GALNTL6: variants seen among roughly 807,000 people sequenced by gnomAD.
The protein encoded by GALNTL6 is polypeptide N-acetylgalactosaminyltransferase-like 6.
GALNTL6 carries 46 observed loss-of-function variants against 73.7 expected under a neutral mutation model. That is an observed-to-expected ratio of 0.62 (90% CI 0.49 to 0.80). The LOEUF is 0.80. Ranked by LOEUF, GALNTL6 falls within the 30% of genes least tolerant of loss-of-function variation. The pLI is 0.00. For synonymous variants in GALNTL6, 259 were observed against 263.7 expected (o/e 0.98, Z 0.17); for missense variants, 604 against 755.0 (o/e 0.80, Z 2.34).
intron 5 of GALNTL6, among the ~76,000 whole-genome samples, chr4:172,684,705 C>T (rs964781110): frequency 1.3e-5 from 2 of 152,144 alleles, no homozygotes; most frequent in Admixed American, 1.3e-4. Flanking sequence ...TTTGGTGGCT[C>T]ACTGGGAGTG....
chr4:172,719,293 G>A (rs1735307484), intron 5 of GALNTL6, among the ~76,000 whole-genome samples: 1 of 152,020 alleles, frequency 6.6e-6, no homozygotes, highest in Admixed American at 6.6e-5. Flanking sequence ...TTTAACTAAG[G>A]ACAGAAAAAC....
At chr4:172,495,678 G>C (rs993912993) in intron 5 of GALNTL6, among the ~76,000 whole-genome samples, 1 of 152,138 alleles carries the variant, frequency 6.6e-6, no homozygotes, top group African/African-American at 2.4e-5. Flanking sequence ...TTAGTACTTT[G>C]CTTTTCAATC....
intron 5 of GALNTL6, 136 bp downstream of exon 5, chr4:172,348,825 A>G: frequency 2.0e-6 from 1 of 490,988 alleles, no homozygotes; most frequent in South Asian, 6.1e-5. Context: ...CTATGTTGTG[A>G]TTTCGTAAAA....
Position 172,850,914 on chromosome 4 carries a change from T to G in GALNTL6, c.924-31876T>G, listed in dbSNP as rs1743781266. Among the ~76,000 whole-genome samples the G allele has an allele frequency of 4.6e-5, 7 of 152,042 alleles. No homozygotes were observed. In the South Asian group the frequency reaches 1.4e-3, roughly 31 times the overall value. ...GGGGACAGGGGAAGAGGCAGGGAGCTTCCATGTCCTCAGGTGCACCATCTT... is the reference window on the plus strand; with the variant it reads ...GGGGACAGGGGAAGAGGCAGGGAGCGTCCATGTCCTCAGGTGCACCATCTT... On this transcript the variant is annotated intron_variant, in intron 7 of 12. Coordinates refer to ENST00000506823, the MANE Select transcript of GALNTL6 (RefSeq NM_001034845.3).
At chr4:171,989,862 T>C (rs1417583918) in intron 2 of GALNTL6, among the ~76,000 whole-genome samples, 3 of 152,248 alleles carry the variant, frequency 2.0e-5, no homozygotes, top group Non-Finnish European at 4.4e-5. Context: ...GGGCTGGGTT[T>C]TTCATATTTG....
At chr4:172,162,599 G>C (rs1216482132) in intron 2 of GALNTL6, among the ~76,000 whole-genome samples, 2 of 151,744 alleles carry the variant, frequency 1.3e-5, no homozygotes, top group African/African-American at 4.8e-5. Flanking sequence ...TGCAGAGAGA[G>C]AGAAAAATGT....
intron 4 of GALNTL6, among the ~76,000 whole-genome samples, chr4:172,321,594 G>C (rs1472509110): frequency 6.6e-6 from 1 of 152,126 alleles, no homozygotes; most frequent in Non-Finnish European, 1.5e-5. Flanking sequence ...TCATTAAATA[G>C]AGGACATCAA....
At chr4:172,342,709 GTTCTT>G (rs2111204248) in intron 4 of GALNTL6, among the ~76,000 whole-genome samples, 1 of 152,244 alleles carries the variant, frequency 6.6e-6, no homozygotes, top group African/African-American at 2.4e-5. Context: ...CAAGTAAAAT[GTTCTT>G]TTCTTGTTTT....
intron 10 of GALNTL6, among the ~76,000 whole-genome samples, chr4:172,960,513 G>T (rs1156266196): frequency 1.3e-5 from 2 of 152,120 alleles, no homozygotes; most frequent in East Asian, 1.9e-4. Context: ...AGAAAAGGAA[G>T]ATTAGAAAGA....
chr4:172,208,546 G>C (rs985059306), intron 2 of GALNTL6, among the ~76,000 whole-genome samples: 6 of 152,152 alleles, frequency 3.9e-5, no homozygotes, highest in Admixed American at 3.3e-4. Flanking sequence ...TAAAGAGCAT[G>C]AATGAGGATT....
chr4:172,038,895 A>G (rs1259502821), intron 2 of GALNTL6, among the ~76,000 whole-genome samples: 1 of 152,214 alleles, frequency 6.6e-6, no homozygotes, highest in Non-Finnish European at 1.5e-5. Context: ...CCCTGAAAAC[A>G]TTGGCATTGG....
At chr4:172,783,321 C>A (rs1304639200) in intron 5 of GALNTL6, among the ~76,000 whole-genome samples, 1 of 148,788 alleles carries the variant, frequency 6.7e-6, no homozygotes, top group African/African-American at 2.4e-5. Context: ...TCAACACAAT[C>A]TCAATCAAAC....
intron 2 of GALNTL6, among the ~76,000 whole-genome samples, chr4:172,163,719 A>G (rs1175419210): frequency 6.6e-6 from 1 of 152,166 alleles, no homozygotes; most frequent in Non-Finnish European, 1.5e-5. Flanking sequence ...GTTAACAAGC[A>G]TCTGTTGAGA....
At chr4:172,030,339 A>G (rs894365084) in intron 2 of GALNTL6, among the ~76,000 whole-genome samples, 6 of 152,078 alleles carry the variant, frequency 3.9e-5, no homozygotes, top group Non-Finnish European at 8.8e-5. Flanking sequence ...ATCCTGCGGC[A>G]TGTCAAGCAA....
intron 7 of GALNTL6, among the ~76,000 whole-genome samples, chr4:172,880,606 C>T (rs151182167): frequency 1.8e-3 from 274 of 152,172 alleles, no homozygotes; most frequent in African/African-American, 6.0e-3. Context: ...AAGTCAAAAC[C>T]TATCAAACTG....
chr4:172,687,505 G>A (rs944657865), intron 5 of GALNTL6, among the ~76,000 whole-genome samples: 5 of 151,662 alleles, frequency 3.3e-5, no homozygotes, highest in African/African-American at 1.2e-4. Flanking sequence ...GCGTGTACCT[G>A]TAATCCCAGC....
intron 3 of GALNTL6, among the ~76,000 whole-genome samples, chr4:172,250,227 G>A (rs1391128361): frequency 6.6e-6 from 1 of 152,108 alleles, no homozygotes; most frequent in Non-Finnish European, 1.5e-5. Flanking sequence ...CTCTGTTTTG[G>A]CCAATTTCTC....
intron 2 of GALNTL6, among the ~76,000 whole-genome samples, chr4:171,936,108 T>G (rs1676107919): frequency 6.6e-6 from 1 of 152,166 alleles, no homozygotes; most frequent in South Asian, 2.1e-4. Context: ...CCTACATTAG[T>G]AAGGAGCCTG....
chr4:172,447,185 A>T (rs952304257), intron 5 of GALNTL6, among the ~76,000 whole-genome samples: 1 of 152,186 alleles, frequency 6.6e-6, no homozygotes, highest in Non-Finnish European at 1.5e-5. Context: ...GCAGGAAAAG[A>T]GTCTCCAGAA....
Sources: gnomAD v4.1 joint callset for allele counts (sites outside exome capture counted in the v4.1 genomes callset) on GRCh38, gnomAD v4.1.1 for gene constraint, MANE v1.5 for transcripts, NCBI Gene and HGNC (gene_info 2026-07-23, HGNC 2026-07-21) for gene names.